The following CRYL1 variants were observed in gnomAD, a reference collection of about 807,000 sequenced individuals.
The protein encoded by CRYL1 is crystallin lambda 1.
Under a neutral mutation model 36.6 loss-of-function variants are expected in CRYL1, and 29 were observed. That is an observed-to-expected ratio of 0.79 (90% confidence interval 0.59 to 1.08). CRYL1 has a LOEUF of 1.08. Ranked by LOEUF, CRYL1 falls within the 50% of genes least tolerant of loss-of-function variation. CRYL1 has a pLI of 0.00. For synonymous variants in CRYL1, 152 were observed against 151.5 expected, an observed-to-expected ratio of 1.00 and a Z score of -0.02; for missense variants, 411 against 407.9, an observed-to-expected ratio of 1.01 and a Z score of -0.06.
intron 3 of CRYL1, among the ~76,000 whole-genome samples, chr13:20,478,201 A>G (rs1158823131): frequency 2.0e-5 from 3 of 152,052 alleles, no homozygotes; most frequent in Non-Finnish European, 4.4e-5. Context: ...TGGGCTTATC[A>G]TGTTTTTAAC....
chr13:20,439,546 C>CAAAAAAAAAAAAAAAAA, intron 4 of CRYL1, 47 bp downstream of exon 4: 1 of 693,698 alleles, frequency 1.4e-6, no homozygotes, highest in Admixed American at 3.8e-5. Flanking sequence ...AAAAAAAACA[C>CAAAAAAAAAAAAAAAAA]AGAATGAGAT....
At chr13:20,517,038 G>A (rs1025101572) in intron 1 of CRYL1, among the ~76,000 whole-genome samples, 4 of 151,984 alleles carry the variant, frequency 2.6e-5, no homozygotes, top group East Asian at 3.9e-4. Flanking sequence ...CTACAATCAC[G>A]CCACTGTACT....
In CRYL1 at chr13:20,478,839, G is replaced by A. The variant is rs572349675; in HGVS notation, c.276+10531C>T. Reference sequence around the variant, plus strand: ...GCGATCTTGGCTTGCTGCAACCTCCGCCTCCCAGGTTCAAGTGATTCCCCT... The same window carrying A: ...GCGATCTTGGCTTGCTGCAACCTCCACCTCCCAGGTTCAAGTGATTCCCCT... On this transcript the variant is annotated intron_variant, in intron 3 of 7. Coordinates refer to ENST00000298248, the MANE Select transcript of CRYL1 (RefSeq NM_015974.3). Among the ~76,000 whole-genome samples the A allele has an allele frequency of 2.3e-3, 346 of 151,918 alleles. 1 individual carries two copies. Among genetic ancestry groups the A allele is most frequent in the African/African-American group, 7.0e-3 (288 of 41,418 alleles).
chr13:20,430,141 G>A (rs1303691073), intron 5 of CRYL1: 4 of 967,020 alleles, frequency 4.1e-6, no homozygotes, highest in Non-Finnish European at 4.9e-6. Flanking sequence ...AGGACCTGAA[G>A]TTTCTAGAGC....
intron 3 of CRYL1, among the ~76,000 whole-genome samples, chr13:20,463,600 C>G (rs1050408349): frequency 2.6e-5 from 4 of 152,048 alleles, no homozygotes; most frequent in Non-Finnish European, 5.9e-5. Flanking sequence ...CAAATGTGAC[C>G]CATGTACTTT....
At position 20,486,772 on chromosome 13, in the gene CRYL1, C is replaced by A. The variant is rs546201717; in HGVS notation, c.276+2598G>T. On this transcript the variant is annotated intron_variant, in intron 3 of 7. Transcript: ENST00000298248. ...ATAAAGATAGACTGTAGTTAAAGAG[C>A]AGTTTTCACTAGTGCCAACCATGTA... Among the ~76,000 whole-genome samples, 9 of 152,290 alleles carry A rather than the reference C, an allele frequency of 5.9e-5. No individual in the cohort carries two copies. In the South Asian group the frequency reaches 1.7e-3, roughly 28 times the overall value.
intron 3 of CRYL1, among the ~76,000 whole-genome samples, chr13:20,463,033 C>G (rs182083201): frequency 6.6e-6 from 1 of 152,088 alleles, no homozygotes; most frequent in Non-Finnish European, 1.5e-5. Context: ...TTTACAAGCT[C>G]GTGTAACTAA....
intron 5 of CRYL1, chr13:20,430,829 C>G: frequency 1.0e-6 from 1 of 985,348 alleles, no homozygotes; most frequent in Non-Finnish European, 1.2e-6. Context: ...TTCCCCTTTT[C>G]TAGACAAATG....
chr13:20,415,717 G>C lies in CRYL1; in HGVS notation c.634-2330C>G, dbSNP rs1269921029. Among the ~76,000 whole-genome samples, 2 of 152,204 alleles carry C rather than the reference G, an allele frequency of 1.3e-5. No homozygotes were observed. Among genetic ancestry groups the C allele is most frequent in the Non-Finnish European group, 2.9e-5 (2 of 68,036 alleles). ...CTGCCGCAGACTCCGCCCGCTTCTA[G>C]AGGCCCGCACCCTGACTCCTGCAAT... On this transcript the variant is annotated intron_variant, in intron 5 of 7. Transcript: ENST00000298248. This position sits in a 1 kb window ranked among gnomAD's most constrained non-coding sequence, Gnocchi z 4.1.
At chr13:20,451,923 T>C (rs952910600) in intron 3 of CRYL1, among the ~76,000 whole-genome samples, 3 of 152,086 alleles carry the variant, frequency 2.0e-5, no homozygotes, top group African/African-American at 7.2e-5. Context: ...ATGTGGTACA[T>C]ATAGCCCATG....
intron 3 of CRYL1, among the ~76,000 whole-genome samples, chr13:20,461,309 C>T (rs946828857): frequency 1.2e-4 from 19 of 152,212 alleles, no homozygotes; most frequent in African/African-American, 4.3e-4. Flanking sequence ...TCAATGTTTA[C>T]AAAACCAGCA....
At chr13:20,472,804 G>A (rs1239399066) in intron 3 of CRYL1, among the ~76,000 whole-genome samples, 1 of 152,184 alleles carries the variant, frequency 6.6e-6, no homozygotes, top group Non-Finnish European at 1.5e-5. Flanking sequence ...CAGACAGCTG[G>A]AACAACACAT....
At chr13:20,440,405 G>A (rs2032326355) in intron 3 of CRYL1, among the ~76,000 whole-genome samples, 1 of 152,224 alleles carries the variant, frequency 6.6e-6, no homozygotes, top group Non-Finnish European at 1.5e-5. Flanking sequence ...ATTTAAGGAT[G>A]AGAAAAGGCT....
chr13:20,484,107 C>T (rs190061558), intron 3 of CRYL1, among the ~76,000 whole-genome samples: 267 of 152,326 alleles, frequency 1.8e-3, no homozygotes, highest in Non-Finnish European at 3.2e-3. Context: ...TGAGCCACCG[C>T]GCCTGGCCAA....
At chr13:20,467,804 A>G (rs1473954354) in intron 3 of CRYL1, among the ~76,000 whole-genome samples, 3 of 152,148 alleles carry the variant, frequency 2.0e-5, no homozygotes, top group Non-Finnish European at 4.4e-5. Context: ...TGAATACTTC[A>G]ACACAGGGGT....
chr13:20,501,327 G>A (rs1017121355), intron 2 of CRYL1, among the ~76,000 whole-genome samples: 37 of 152,324 alleles, frequency 2.4e-4, no homozygotes, highest in African/African-American at 8.9e-4. Context: ...GGCTGAGCCA[G>A]ATCTGACTGC....
intron 3 of CRYL1, among the ~76,000 whole-genome samples, chr13:20,460,501 T>G (rs1293550473): frequency 7.0e-6 from 1 of 142,078 alleles, no homozygotes; most frequent in Non-Finnish European, 1.5e-5. Context: ...GCAAAAATAA[T>G]AGGCAGCTGC....
chr13:20,437,713 T>A (rs1045064337), intron 4 of CRYL1, among the ~76,000 whole-genome samples: 2 of 152,214 alleles, frequency 1.3e-5, no homozygotes, highest in African/African-American at 4.8e-5. Flanking sequence ...GTCAAGGGAC[T>A]GGGCTGGGTG....
At chr13:20,501,016 C>A (rs916842775) in intron 2 of CRYL1, among the ~76,000 whole-genome samples, 4 of 152,124 alleles carry the variant, frequency 2.6e-5, no homozygotes, top group African/African-American at 9.7e-5. Context: ...CTTGCCCCCC[C>A]CTAGTTCCTG....
Sources: allele counts gnomAD v4.1 joint callset (sites outside exome capture counted in the v4.1 genomes callset), GRCh38; gene constraint gnomAD v4.1.1; non-coding constraint Gnocchi (gnomAD v3.1); transcripts MANE v1.5; gene names NCBI Gene and HGNC (gene_info 2026-07-23, HGNC 2026-07-21).